The following PCNX1 variants were observed in gnomAD, a reference collection of about 807,000 sequenced individuals.
The protein encoded by PCNX1 is pecanex-like protein 1.
PCNX1 carries 78 observed loss-of-function variants against 242.2 expected under a neutral mutation model. That is an observed-to-expected ratio of 0.32 (90% CI 0.27 to 0.39). The LOEUF is 0.39. PCNX1 is among the 10% of genes least tolerant of loss of function. The pLI is 1.00. For synonymous variants in PCNX1, 1,024 were observed against 1,032.9 expected (o/e 0.99, Z 0.17); for missense variants, 2,581 against 2,856.5 (o/e 0.90, Z 2.20).
chr14:71,097,574 G>C (rs1446599394), intron 30 of PCNX1, among the ~76,000 whole-genome samples: 1 of 152,102 alleles, frequency 6.6e-6, no homozygotes, highest in Non-Finnish European at 1.5e-5. Context: ...ACACTTGTTT[G>C]CTCCTTGTAT....
At chr14:71,061,938 C>T (rs184694446) in intron 26 of PCNX1, among the ~76,000 whole-genome samples, 9 of 152,040 alleles carry the variant, frequency 5.9e-5, no homozygotes, top group African/African-American at 2.2e-4. Context: ...AGAAGAAACC[C>T]CAAGAAAATT....
chr14:71,012,164 CA>C (rs1232328521), intron 10 of PCNX1: 2 of 152,208 alleles, frequency 1.3e-5, no homozygotes, highest in South Asian at 2.1e-4. Flanking sequence ...AACAAACAAA[CA>C]GGGGTGAGGG....
chr14:70,919,934 G>C (rs1004054544), intron 1 of PCNX1, among the ~76,000 whole-genome samples: 5 of 151,970 alleles, frequency 3.3e-5, no homozygotes, highest in Admixed American at 2.0e-4. Context: ...GCATTCTGTA[G>C]AGCTTTGAAC....
chr14:71,094,857 A>G (rs567318344), intron 30 of PCNX1, among the ~76,000 whole-genome samples: 13 of 152,274 alleles, frequency 8.5e-5, no homozygotes, highest in African/African-American at 3.1e-4. Flanking sequence ...TTTGAGTCCA[A>G]GAGTTTGAGG....
At position 71,009,705 on chromosome 14, in the gene PCNX1, A is replaced by G. The variant is rs145831777; in HGVS notation, c.2701A>G (p.Arg901Gly). The change falls in exon 9 of 36, where the codon AGA (arginine) becomes GGA (glycine). Residue 901 changes from arginine (R) to glycine (G), a missense_variant. Coordinates refer to ENST00000304743, the MANE Select transcript of PCNX1 (RefSeq NM_014982.3). Reference sequence around the variant, plus strand: ...ACTTGTGAATTTTGAACCAGCAGCAAGAAGAGCATCCAATATCTGGTATGT... The same window carrying G: ...ACTTGTGAATTTTGAACCAGCAGCAGGAAGAGCATCCAATATCTGGTATGT... ...MSLVNFEPAA[R>G]RASNICDTDS... 25 of 1,599,272 alleles carry G rather than the reference A, an allele frequency of 1.6e-5. No homozygotes were observed. In the African/African-American group the frequency reaches 2.8e-4, roughly 18 times the overall value.
chr14:71,006,785 G>A (rs920640248), intron 8 of PCNX1, among the ~76,000 whole-genome samples: 3 of 152,128 alleles, frequency 2.0e-5, no homozygotes, highest in Non-Finnish European at 4.4e-5. Context: ...GGATACATTA[G>A]CACATTAAAT....
At chr14:71,066,196 CT>C (rs2061442553) in intron 26 of PCNX1, among the ~76,000 whole-genome samples, 1 of 152,180 alleles carries the variant, frequency 6.6e-6, no homozygotes, top group Non-Finnish European at 1.5e-5. Context: ...CTATAAATTA[CT>C]TTGGGCAGTA....
At chr14:71,034,903 T>C (rs975888747) in intron 18 of PCNX1, among the ~76,000 whole-genome samples, 2 of 152,200 alleles carry the variant, frequency 1.3e-5, no homozygotes, top group African/African-American at 2.4e-5. Context: ...AAGAGGTCAG[T>C]TGATGACCAA....
rs1220491670 is a variant in PCNX1 at position 71,095,011 on chromosome 14, T to C, written c.5589+5669T>C. Among the ~76,000 whole-genome samples, 3 of 152,236 alleles carry C rather than the reference T, an allele frequency of 2.0e-5. 1 individual carries two copies. Among genetic ancestry groups the C allele is most frequent in the Non-Finnish European group, 4.4e-5 (3 of 68,046 alleles). On this transcript the variant is annotated intron_variant, in intron 30 of 35. Coordinates refer to ENST00000304743, the MANE Select transcript of PCNX1 (RefSeq NM_014982.3). ...ATTGTCCTACATGTACACAGTACTT[T>C]CATATGCATTAGATCACCACGACCC...
chr14:71,048,980 C>T, intron 22 of PCNX1: 1 of 843,020 alleles, frequency 1.2e-6, no homozygotes, highest in Non-Finnish European at 1.4e-6. Flanking sequence ...TCATTTATTT[C>T]CTCTTCTAGT....
intron 2 of PCNX1, among the ~76,000 whole-genome samples, chr14:70,956,565 A>G (rs564362994): frequency 1.3e-5 from 2 of 152,066 alleles, no homozygotes; most frequent in Non-Finnish European, 2.9e-5. Flanking sequence ...TCTCTTAAAA[A>G]AACAAAACAA....
chr14:71,036,182 TTTG>T, intron 19 of PCNX1, 25 bp downstream of exon 19: 1 of 1,380,470 alleles, frequency 7.2e-7, no homozygotes, highest in Non-Finnish European at 1.0e-6. Flanking sequence ...TCTCCTTTTA[TTTG>T]TTTGTTTGTT....
At chr14:71,101,776 G>C (rs1403286904) in intron 30 of PCNX1, among the ~76,000 whole-genome samples, 1 of 152,010 alleles carries the variant, frequency 6.6e-6, no homozygotes, top group East Asian at 1.9e-4. Context: ...TAGAGGAGAG[G>C]GTTGGATTGA....
At chr14:70,979,548 G>A (rs901725338) in intron 6 of PCNX1, among the ~76,000 whole-genome samples, 2 of 151,924 alleles carry the variant, frequency 1.3e-5, no homozygotes, top group Non-Finnish European at 2.9e-5. Flanking sequence ...TAGTACCTTA[G>A]CATTTTTAGC....
intron 12 of PCNX1, among the ~76,000 whole-genome samples, chr14:71,019,583 G>T (rs2060043713): frequency 6.6e-6 from 1 of 152,068 alleles, no homozygotes; most frequent in African/African-American, 2.4e-5. Context: ...CGTATTTTTA[G>T]TAGAGACGGG....
At chr14:70,967,375 T>C (rs751431597) in intron 3 of PCNX1, among the ~76,000 whole-genome samples, 2 of 152,262 alleles carry the variant, frequency 1.3e-5, no homozygotes, top group Non-Finnish European at 2.9e-5. Context: ...GTTTTCTTCT[T>C]TGAATCCATG....
At chr14:71,002,573 G>C (rs79883357) in intron 8 of PCNX1, among the ~76,000 whole-genome samples, 88 of 152,292 alleles carry the variant, frequency 5.8e-4, no homozygotes, top group African/African-American at 2.0e-3. Flanking sequence ...CTATCATTAT[G>C]ATTTCCCTCT....
rs1277906524 is a variant in PCNX1 at position 70,947,052 on chromosome 14, G to C, written c.291G>C (p.Glu97Asp). ...AGEVVDRTAN[E>D]FTDQRTKAEQ... The stretch of plus-strand genomic sequence containing the variant: ...AAGTTGTAGATAGGACTGCAAATGA[G>C]TTCACGGATCAGCGAACCAAAGCTG... Residue 97 changes from glutamate (E) to aspartate (D), a missense_variant, in exon 2 of 36, where the codon GAG becomes GAC. By Grantham distance (45) the Glu-to-Asp change is conservative (BLOSUM62 2). Around this residue, in one of 9 missense-constraint regions of PCNX1, gnomAD observed 1,204 missense variants for 1,216.7 expected, o/e 0.99. Coordinates refer to ENST00000304743, the MANE Select transcript of PCNX1 (RefSeq NM_014982.3). 1 of 1,613,764 alleles carries C rather than the reference G, an allele frequency of 6.2e-7. No individual in the cohort carries two copies. The highest frequency in any genetic ancestry group is 2.2e-5 in the East Asian group (1 of 44,870).
chr14:71,053,363 C>T (rs748857871), intron 24 of PCNX1: 3 of 439,412 alleles, frequency 6.8e-6, no homozygotes, highest in South Asian at 1.6e-5. Context: ...ACCTCCGCCT[C>T]CCGGAGTGCA....
Sources: allele counts gnomAD v4.1 joint callset (sites outside exome capture counted in the v4.1 genomes callset), GRCh38; gene constraint gnomAD v4.1.1; regional missense constraint gnomAD v4.1.1; transcripts MANE v1.5; gene names NCBI Gene and HGNC (gene_info 2026-07-23, HGNC 2026-07-21).